Variants in PRR5L observed in about 807,000 individuals in gnomAD.
The protein encoded by PRR5L is proline-rich protein 5-like.
In PRR5L, 21 loss-of-function variants were observed where a neutral mutation model predicts 36.4. The ratio of observed to expected loss-of-function variants is 0.58; its 90% CI spans 0.41 to 0.83. The LOEUF is 0.83. Ranked by LOEUF, PRR5L falls within the 40% of genes least tolerant of loss-of-function variation. The pLI, the probability that PRR5L is intolerant of heterozygous loss-of-function variation, is 0.00. For missense variants in PRR5L, 381 were observed against 473.3 expected, an observed-to-expected ratio of 0.80 and a Z score of 1.81; for synonymous variants, 188 against 197.0, an observed-to-expected ratio of 0.95 and a Z score of 0.38.
At chr11:36,439,657 C>T (rs970794390) in intron 6 of PRR5L, among the ~76,000 whole-genome samples, 6 of 152,060 alleles carry the variant, frequency 3.9e-5, no homozygotes, top group South Asian at 2.1e-4. Flanking sequence ...GGGAATATTC[C>T]GGGGAGGTGG....
intron 1 of PRR5L, among the ~76,000 whole-genome samples, chr11:36,338,668 G>T (rs1257852336): frequency 1.3e-5 from 2 of 152,112 alleles, no homozygotes; most frequent in African/African-American, 4.8e-5. Flanking sequence ...CATGCTCTGT[G>T]TTGGGAATTT....
In PRR5L at chr11:36,403,259, G is replaced by A. The variant is rs199761976; in HGVS notation, c.165-39G>A. The A allele has an allele frequency of 1.5e-5, 23 of 1,581,476 alleles. No homozygotes were observed. In the East Asian group the frequency reaches 4.9e-4, roughly 34 times the overall value. On this transcript the variant is annotated intron_variant, in intron 2 of 8. Transcript: ENST00000530639. ...GCTGCTATTGAAATGGCCCAAGAAGGGAGATTCTCTAACCAGGGGTTATTC... is the reference window on the plus strand; with the variant it reads ...GCTGCTATTGAAATGGCCCAAGAAGAGAGATTCTCTAACCAGGGGTTATTC...
intron 1 of PRR5L, among the ~76,000 whole-genome samples, chr11:36,346,370 T>G (rs1331940031): frequency 6.6e-6 from 1 of 151,974 alleles, no homozygotes; most frequent in Non-Finnish European, 1.5e-5. Context: ...GATCACGAGG[T>G]CAGGAGATCG....
chr11:36,421,386 C>A (rs111613201), intron 4 of PRR5L, among the ~76,000 whole-genome samples: 1 of 152,310 alleles, frequency 6.6e-6, no homozygotes, highest in Non-Finnish European at 1.5e-5. Flanking sequence ...AACCACTTGT[C>A]ATTTCCTACC....
intron 3 of PRR5L, among the ~76,000 whole-genome samples, chr11:36,411,048 C>T (rs1042214250): frequency 1.3e-5 from 2 of 152,216 alleles, no homozygotes; most frequent in Non-Finnish European, 2.9e-5. Flanking sequence ...TATGGTTATT[C>T]CAACTCATCT....
chr11:36,448,936 T>C (rs1024087185), intron 7 of PRR5L, among the ~76,000 whole-genome samples: 3 of 152,202 alleles, frequency 2.0e-5, no homozygotes, highest in Non-Finnish European at 4.4e-5. Flanking sequence ...CCACTTAGCC[T>C]TTCTAGGCAA....
intron 1 of PRR5L, among the ~76,000 whole-genome samples, chr11:36,325,138 G>A (rs1400890231): frequency 6.6e-6 from 1 of 152,184 alleles, no homozygotes; most frequent in East Asian, 1.9e-4. Flanking sequence ...CATGCGGTGA[G>A]TTTTATAGCT....
chr11:36,313,273 T>C (rs1035385766), intron 1 of PRR5L, among the ~76,000 whole-genome samples: 1 of 151,202 alleles, frequency 6.6e-6, no homozygotes, highest in Non-Finnish European at 1.5e-5. Flanking sequence ...TCCCTCTTGA[T>C]GATTTAATCT....
chr11:36,431,466 A>G (rs866920483), intron 4 of PRR5L, among the ~76,000 whole-genome samples: 2 of 121,386 alleles, frequency 1.6e-5, no homozygotes, highest in South Asian at 3.1e-4. Context: ...TTTTTTTTTA[A>G]AAAAAAATAT....
At chr11:36,446,902 T>TA (rs1858843518) in intron 7 of PRR5L, among the ~76,000 whole-genome samples, 1 of 152,194 alleles carries the variant, frequency 6.6e-6, no homozygotes, top group African/African-American at 2.4e-5. Context: ...TACTTTCTAG[T>TA]CTCTACTTGT....
chr11:36,435,313 G>C (rs536148321), intron 5 of PRR5L, among the ~76,000 whole-genome samples: 17 of 152,178 alleles, frequency 1.1e-4, no homozygotes, highest in African/African-American at 3.9e-4. Context: ...AGGTGCTGGG[G>C]AGTCAGGAAT....
In PRR5L at chr11:36,446,291, C is replaced by T. The variant is rs777824042; in HGVS notation, c.445-9C>T. Reference sequence around the variant, plus strand: ...CACCTCCCGGCCCTCTCTCCTCTGTCCCCTCTAGGGCCAGGAGCTGACTAT... The same window carrying T: ...CACCTCCCGGCCCTCTCTCCTCTGTTCCCTCTAGGGCCAGGAGCTGACTAT... On this transcript the variant is annotated splice_polypyrimidine_tract_variant and intron_variant, in intron 6 of 8. Coordinates refer to ENST00000530639, the MANE Select transcript of PRR5L (RefSeq NM_001160167.2). The T allele has an allele frequency of 5.0e-6, 8 of 1,612,974 alleles. No individual in the cohort carries two copies. The highest frequency in any genetic ancestry group is 3.3e-5 in the Admixed American group (2 of 60,004).
At chr11:36,418,402 G>T (rs530358501) in intron 3 of PRR5L, among the ~76,000 whole-genome samples, 1 of 152,164 alleles carries the variant, frequency 6.6e-6, no homozygotes, top group African/African-American at 2.4e-5. Context: ...TATGGGAAAA[G>T]ATGTTGAATT....
chr11:36,319,295 C>G (rs1026184058), intron 1 of PRR5L, among the ~76,000 whole-genome samples: 2 of 152,216 alleles, frequency 1.3e-5, no homozygotes, highest in African/African-American at 2.4e-5. Flanking sequence ...ATGCAGTCAT[C>G]TTATTACCAC....
rs1858455265 is a variant in PRR5L, at chr11:36,429,761, A to G, written c.295-2092A>G. Among the ~76,000 whole-genome samples, 3 of 152,226 alleles carry G rather than the reference A, an allele frequency of 2.0e-5. No homozygotes were observed. The South Asian group carries it at 6.2e-4, about 32-fold the overall frequency. On this transcript the variant is annotated intron_variant, in intron 4 of 8. Transcript: ENST00000530639. ...TCACCTGGACTAGGTGAAAGGGACC[A>G]ACCAGGTGGAGACTGCAGGGCACAA...
At chr11:36,404,579 T>C (rs1463880928) in intron 3 of PRR5L, among the ~76,000 whole-genome samples, 2 of 152,138 alleles carry the variant, frequency 1.3e-5, no homozygotes, top group Admixed American at 1.3e-4. Flanking sequence ...ATCAGGTCTT[T>C]TCATGTCCTG....
chr11:36,306,888 A>G (rs1213984320), intron 1 of PRR5L, among the ~76,000 whole-genome samples: 2 of 152,178 alleles, frequency 1.3e-5, no homozygotes, highest in Non-Finnish European at 2.9e-5. Context: ...AAAAAAAAGA[A>G]CATGTAATAG....
chr11:36,416,479 G>A (rs1025620333), intron 3 of PRR5L, among the ~76,000 whole-genome samples: 3 of 152,176 alleles, frequency 2.0e-5, no homozygotes, highest in African/African-American at 7.2e-5. Flanking sequence ...ACCACATCGT[G>A]TCTGGTTCCT....
intron 6 of PRR5L, among the ~76,000 whole-genome samples, chr11:36,442,477 G>A (rs1858742861): frequency 6.6e-6 from 1 of 152,094 alleles, no homozygotes; most frequent in Non-Finnish European, 1.5e-5. Flanking sequence ...AAGTAGCTGG[G>A]ATTACAGGCG....
Sources: gnomAD v4.1 joint callset for allele counts (sites outside exome capture counted in the v4.1 genomes callset) on GRCh38, gnomAD v4.1.1 for gene constraint, MANE v1.5 for transcripts, NCBI Gene and HGNC (gene_info 2026-07-23, HGNC 2026-07-21) for gene names.